Variants in CADM1 observed in about 807,000 individuals in gnomAD.
The protein encoded by CADM1 is TSLC-1.
CADM1 carries 15 observed loss-of-function variants against 53.1 expected under a neutral mutation model. The ratio of observed to expected loss-of-function variants is 0.28; its 90% CI spans 0.19 to 0.44. The LOEUF (loss-of-function observed/expected upper bound fraction) is 0.44, where lower values mean the gene tolerates loss of function less well. Among genes scored for constraint, CADM1 ranks in the 20% least tolerant of loss-of-function variants. The pLI is 1.00. For synonymous variants in CADM1, 281 were observed against 243.0 expected (o/e 1.16, Z -1.45); for missense variants, 434 against 611.3 (o/e 0.71, Z 3.06).
chr11:115,356,225 TTA>T (rs1332875403), intron 1 of CADM1, among the ~76,000 whole-genome samples: 1 of 148,476 alleles, frequency 6.7e-6, no homozygotes, highest in Non-Finnish European at 1.5e-5. Flanking sequence ...TCCCATATAA[TTA>T]TATGATTTTA....
At chr11:115,279,881 C>T (rs186263582) in intron 1 of CADM1, among the ~76,000 whole-genome samples, 57 of 152,310 alleles carry the variant, frequency 3.7e-4, no homozygotes, top group African/African-American at 1.2e-3. Context: ...CAGCTCATCA[C>T]GCTGCAATGT....
chr11:115,340,659 T>TATATATATATATATATATA (rs1555069295), intron 1 of CADM1, among the ~76,000 whole-genome samples: 2 of 16,512 alleles, frequency 1.2e-4, no homozygotes, highest in African/African-American at 4.1e-4. Context: ...TATATATATA[T>TATATATATATATATATATA]TTTTTTTTTT....
chr11:115,184,714 C>G (rs139083418), intron 10 of CADM1, among the ~76,000 whole-genome samples: 1,923 of 152,332 alleles, frequency 0.013, 19 homozygotes, highest in Non-Finnish European at 0.02. Context: ...TGCATCTATA[C>G]TAACGTTTCA....
chr11:115,254,549 AAC>A (rs58261564), intron 1 of CADM1, among the ~76,000 whole-genome samples: 29,721 of 134,616 alleles, frequency 0.22, 3,274 homozygotes, highest in Non-Finnish European at 0.27. Flanking sequence ...AAGGGAGACA[AAC>A]ACACACACAC....
At chr11:115,245,315 CT>C (rs1942374697) in intron 1 of CADM1, among the ~76,000 whole-genome samples, 1 of 152,038 alleles carries the variant, frequency 6.6e-6, no homozygotes, top group Admixed American at 6.5e-5. Flanking sequence ...AAAAAACATT[CT>C]GCTAATCAAT....
chr11:115,208,207 T>C (rs964533080), intron 8 of CADM1, among the ~76,000 whole-genome samples: 5 of 152,184 alleles, frequency 3.3e-5, no homozygotes, highest in Non-Finnish European at 5.9e-5. Context: ...AACTGATGGA[T>C]TTTCAGAAGA....
chr11:115,463,172 G>C (rs185913144), intron 1 of CADM1, among the ~76,000 whole-genome samples: 17 of 152,176 alleles, frequency 1.1e-4, no homozygotes, highest in Admixed American at 1.0e-3. Flanking sequence ...CCTCCTGAAG[G>C]CTATTGATTG....
intron 5 of CADM1, among the ~76,000 whole-genome samples, chr11:115,225,319 G>GA (rs1400866384): frequency 6.7e-6 from 1 of 150,076 alleles, no homozygotes; most frequent in Non-Finnish European, 1.5e-5. Flanking sequence ...AAAAAGGGGG[G>GA]GGGACTTTAA....
intron 1 of CADM1, among the ~76,000 whole-genome samples, chr11:115,410,637 T>G (rs1045552695): frequency 6.6e-6 from 1 of 151,996 alleles, no homozygotes; most frequent in African/African-American, 2.4e-5. Flanking sequence ...AGAAAGGTGC[T>G]CTTCGATGTT....
intron 9 of CADM1, among the ~76,000 whole-genome samples, chr11:115,194,721 A>C (rs545516927): frequency 6.6e-6 from 1 of 152,266 alleles, no homozygotes; most frequent in African/African-American, 2.4e-5. Context: ...ACCCAGAGGA[A>C]GCCAGCTGAC....
intron 1 of CADM1, chr11:115,377,481 A>T (rs915082920): frequency 1.3e-5 from 2 of 152,216 alleles, no homozygotes; most frequent in South Asian, 2.1e-4. Flanking sequence ...AGGACTAAAA[A>T]TGTTTGCAAG....
Position 115,447,687 on chromosome 11 carries a change from A to G in CADM1, c.124+56584T>C, listed in dbSNP as rs1401289298. ...GATCCTGCAGAGCAGAGCAGCCAGG[A>G]GCAAACGGTGGCTGGTAGCTTTGCT... is the stretch of plus-strand genomic sequence containing the variant. On this transcript the variant is annotated intron_variant, in intron 1 of 11. Transcript: ENST00000331581. Among the ~76,000 whole-genome samples the G allele has an allele frequency of 2.0e-5, 3 of 152,174 alleles. No homozygotes were observed. In the East Asian group the frequency reaches 5.8e-4, roughly 29 times the overall value.
chr11:115,433,148 A>G (rs998513652), intron 1 of CADM1, among the ~76,000 whole-genome samples: 9 of 152,188 alleles, frequency 5.9e-5, no homozygotes, highest in African/African-American at 1.9e-4. Flanking sequence ...AACATCACAC[A>G]CACACTATGA....
chr11:115,295,550 A>ATATATATATATATATTAT (rs371584699), intron 1 of CADM1, among the ~76,000 whole-genome samples: 1 of 53,004 alleles, frequency 1.9e-5, no homozygotes, highest in African/African-American at 1.3e-4. Flanking sequence ...ATATATATAT[A>ATATATATATATATATTAT]ATATATATGT....
At chr11:115,310,664 T>G (rs1176953519) in intron 1 of CADM1, among the ~76,000 whole-genome samples, 1 of 152,148 alleles carries the variant, frequency 6.6e-6, no homozygotes, top group Non-Finnish European at 1.5e-5. Context: ...GCTGGAGGCC[T>G]TTCTGGTTTA....
intron 11 of CADM1, 147 bp from the exon 12 acceptor site, chr11:115,176,739 G>A (rs1939048198): frequency 1.3e-6 from 1 of 751,304 alleles, no homozygotes; most frequent in Non-Finnish European, 2.4e-6. Flanking sequence ...AAGAGAGCGG[G>A]GTGGGTGAGA....
intron 1 of CADM1, among the ~76,000 whole-genome samples, chr11:115,452,641 G>A (rs1038775063): frequency 6.6e-6 from 1 of 152,074 alleles, no homozygotes; most frequent in Non-Finnish European, 1.5e-5. Flanking sequence ...TTAACACTTG[G>A]GGGAAACAGG....
chr11:115,388,511 A>C (rs551678991), intron 1 of CADM1, among the ~76,000 whole-genome samples: 1 of 152,236 alleles, frequency 6.6e-6, no homozygotes, highest in African/African-American at 2.4e-5. Context: ...TACAGTAGAA[A>C]AATCAGGCAA....
At chr11:115,245,292 T>C (rs540480321) in intron 1 of CADM1, among the ~76,000 whole-genome samples, 33 of 152,080 alleles carry the variant, frequency 2.2e-4, no homozygotes, top group African/African-American at 5.6e-4. Context: ...ACCAAAACTA[T>C]TGATTGTTAA....
Sources: allele counts gnomAD v4.1 joint callset (sites outside exome capture counted in the v4.1 genomes callset), GRCh38; gene constraint gnomAD v4.1.1; transcripts MANE v1.5; gene names NCBI Gene and HGNC (gene_info 2026-07-23, HGNC 2026-07-21).